CTPS2: variants seen among roughly 807,000 people sequenced by gnomAD.
The protein encoded by CTPS2 is CTP synthase 2, also known as CTP synthase II.
Under a neutral mutation model 46.8 loss-of-function variants are expected in CTPS2, and 19 were observed. The observed-to-expected ratio is 0.41, with a 90% CI of 0.28 to 0.60. The LOEUF is 0.60. Among genes scored for constraint, CTPS2 ranks in the 20% least tolerant of loss-of-function variants. The pLI, the probability that CTPS2 is intolerant of heterozygous loss-of-function variation, is 0.35. For synonymous variants in CTPS2, 151 were observed against 165.2 expected (o/e 0.91, Z 0.66); for missense variants, 286 against 447.6 (o/e 0.64, Z 3.26).
At position 16,590,977 on chromosome X, in the gene CTPS2, A is replaced by G. The variant is rs774674974; in HGVS notation, c.1692-115T>C. 8.1e-6 allele frequency: 4 copies of G among 494,397 alleles called. No individual in the cohort carries two copies. In the South Asian group the frequency reaches 1.1e-4, roughly 13 times the overall value. 40.7% of individuals were successfully genotyped at this position (494,397 alleles called of 1,213,427 possible). The stretch of plus-strand genomic sequence containing the variant: ...ACCCCTTAGTATGAGAGAAAATACT[A>G]AAGAATATTCTTTTAGCACTTTCTA... On this transcript the variant is annotated intron_variant, in intron 17 of 18. Transcript: ENST00000359276.
At chrX:16,608,908 A>G in intron 17 of CTPS2, among the ~76,000 whole-genome samples, 1 of 111,803 alleles carries the variant, frequency 8.9e-6, no homozygotes, top group Middle Eastern at 4.6e-3. Flanking sequence ...TTGAAACCAG[A>G]AAAATGCTAG....
chrX:16,705,160 C>T (rs1265671719), intron 1 of CTPS2, among the ~76,000 whole-genome samples: 1 of 108,495 alleles, frequency 9.2e-6, no homozygotes, highest in African/African-American at 3.4e-5. Flanking sequence ...AAAAGTCTTG[C>T]CAGGTGCAGT....
intron 14 of CTPS2, chrX:16,638,445 T>C (rs913913538): frequency 4.4e-5 from 5 of 112,697 alleles, no homozygotes; most frequent in Non-Finnish European, 9.2e-5. Flanking sequence ...GCAGGGCTGG[T>C]ATCTGTCCTG....
chrX:16,651,173 G>A, intron 13 of CTPS2: 1 of 1,052,755 alleles, frequency 9.5e-7, no homozygotes, highest in Non-Finnish European at 1.3e-6. Flanking sequence ...CCACTTAATG[G>A]GACTGATGGT....
At chrX:16,605,450 G>A (rs111450323) in intron 17 of CTPS2, among the ~76,000 whole-genome samples, 1,357 of 111,720 alleles carry the variant, frequency 0.012, 29 homozygotes, top group African/African-American at 0.042. Context: ...GGCCGGTCGC[G>A]GTGGCTCACA....
At chrX:16,624,687 A>AC (rs1307839782) in intron 14 of CTPS2, among the ~76,000 whole-genome samples, 1 of 112,343 alleles carries the variant, frequency 8.9e-6, no homozygotes, top group Non-Finnish European at 1.9e-5. Flanking sequence ...GTCCTCTGTC[A>AC]CAGGTGCCAT....
chrX:16,639,770 GGAAAA>G (rs1931956724), intron 13 of CTPS2, among the ~76,000 whole-genome samples: 1 of 30,999 alleles, frequency 3.2e-5, no homozygotes, highest in Non-Finnish European at 7.6e-5. Context: ...GAAAAGAAAA[GGAAAA>G]GAAAAGAAAG....
At chrX:16,617,124 T>G (rs1427145851) in intron 16 of CTPS2, 26 bp downstream of exon 16, 2 of 1,146,203 alleles carry the variant, frequency 1.7e-6, no homozygotes, top group Non-Finnish European at 2.4e-6. Context: ...TATTGGAAGG[T>G]TTTCAAAAAT....
chrX:16,645,656 TC>T (rs1395776701), intron 13 of CTPS2, among the ~76,000 whole-genome samples: 2 of 112,661 alleles, frequency 1.8e-5, no homozygotes, highest in Non-Finnish European at 3.8e-5. Flanking sequence ...CTTGTTTTTT[TC>T]CCCACCAGTA....
intron 10 of CTPS2, among the ~76,000 whole-genome samples, chrX:16,674,571 G>A (rs904650516): frequency 3.6e-5 from 4 of 110,782 alleles, no homozygotes; most frequent in Admixed American, 9.6e-5. Context: ...GGGCATGGTG[G>A]CTCACACCTG....
chrX:16,615,738 A>G (rs966339450), intron 16 of CTPS2, among the ~76,000 whole-genome samples: 6 of 111,824 alleles, frequency 5.4e-5, no homozygotes, highest in Non-Finnish European at 9.4e-5. Flanking sequence ...ATCAAACCTA[A>G]GCATACAAAT....
intron 14 of CTPS2, among the ~76,000 whole-genome samples, chrX:16,630,031 CAG>C (rs1236025440): frequency 1.8e-5 from 2 of 110,712 alleles, no homozygotes; most frequent in African/African-American, 6.6e-5. Flanking sequence ...TCTTGTATGC[CAG>C]AGTCATGTCA....
At chrX:16,604,005 T>G (rs1311883044) in intron 17 of CTPS2, among the ~76,000 whole-genome samples, 1 of 111,379 alleles carries the variant, frequency 9.0e-6, no homozygotes, top group Admixed American at 9.6e-5. Context: ...GGAACTGGCT[T>G]CAGGTGTGTA....
chrX:16,653,442 T>C (rs1932747057), intron 13 of CTPS2, among the ~76,000 whole-genome samples: 1 of 112,155 alleles, frequency 8.9e-6, no homozygotes, highest in Non-Finnish European at 1.9e-5. Flanking sequence ...ACCTTGTCTC[T>C]ATTAAAACTT....
intron 13 of CTPS2, among the ~76,000 whole-genome samples, chrX:16,666,045 T>A (rs1356920703): frequency 8.9e-6 from 1 of 112,587 alleles, no homozygotes; most frequent in African/African-American, 3.2e-5. Flanking sequence ...AGCCACCGCA[T>A]CTGGCCGGAT....
chrX:16,702,829 G>A lies in CTPS2; in HGVS notation c.74C>T (p.Thr25Met), dbSNP rs1483058889. Residue 25 changes from threonine to methionine, a missense_variant, in exon 2 of 19, where the codon ACG becomes ATG. Physicochemically the swap from Thr to Met is moderately conservative, Grantham distance 81. Transcript: ENST00000359276. ...TCGGAGTCCACATGATTTTAGAATC[G>A]TTCCAATGCTGCTGGCAATGATCCC... ...GKGIIASSIG[T>M]ILKSCGLRVT... The A allele has an allele frequency of 8.3e-6, 10 of 1,207,430 alleles. No homozygotes were observed. Among genetic ancestry groups the A allele is most frequent in the Admixed American group, 4.4e-5 (2 of 45,431 alleles).
intron 9 of CTPS2, among the ~76,000 whole-genome samples, chrX:16,681,646 A>G (rs1466232223): frequency 4.5e-5 from 5 of 111,024 alleles, no homozygotes; most frequent in Admixed American, 9.7e-5. Flanking sequence ...CCTGGGCTCA[A>G]GTGATCTTCC....
intron 13 of CTPS2, among the ~76,000 whole-genome samples, chrX:16,647,393 G>A (rs905911868): frequency 9.5e-6 from 1 of 104,750 alleles, no homozygotes; most frequent in Non-Finnish European, 1.9e-5. Context: ...TCAGTTTCCC[G>A]AGTAGCTGGA....
chrX:16,689,868 A>G (rs901930113), intron 7 of CTPS2, among the ~76,000 whole-genome samples: 1 of 111,283 alleles, frequency 9.0e-6, no homozygotes, highest in Non-Finnish European at 1.9e-5. Flanking sequence ...CCTGACCAAC[A>G]TGGTGAAACC....
Sources: allele counts gnomAD v4.1 joint callset (sites outside exome capture counted in the v4.1 genomes callset), GRCh38; gene constraint gnomAD v4.1.1; transcripts MANE v1.5; gene names NCBI Gene and HGNC (gene_info 2026-07-23, HGNC 2026-07-21).